Variants in HEATR4 observed in about 807,000 individuals in gnomAD.
HEATR4 encodes the protein HEAT repeat-containing protein 4.
HEATR4 carries 95 observed loss-of-function variants against 108.8 expected under a neutral mutation model. The observed-to-expected ratio is 0.87, with a 90% CI of 0.74 to 1.04. The LOEUF is 1.04. Among genes scored for constraint, HEATR4 ranks in the 50% least tolerant of loss-of-function variants. HEATR4 has a pLI of 0.00. For synonymous variants in HEATR4, 443 were observed against 459.4 expected, an observed-to-expected ratio of 0.96 and a Z score of 0.46; for missense variants, 1,152 against 1,253.8, an observed-to-expected ratio of 0.92 and a Z score of 1.23.
the HEATR4 span, among the ~76,000 whole-genome samples, chr14:73,614,148 C>T: frequency 6.6e-6 from 1 of 151,672 alleles, no homozygotes; most frequent in African/African-American, 2.4e-5. Flanking sequence ...TTGCAGTGAG[C>T]TGAGATCACG....
intron 2 of HEATR4, chr14:73,527,533 A>T (rs1413888144): frequency 3.3e-5 from 4 of 122,966 alleles, no homozygotes; most frequent in Non-Finnish European, 5.2e-5. Context: ...TCTCTAATAA[A>T]CTTGCTTTCA....
intron 1 of HEATR4, among the ~76,000 whole-genome samples, chr14:73,535,488 T>C (rs1460758853): frequency 0.44 from 24,597 of 55,538 alleles, 8,573 homozygotes; most frequent in Admixed American, 0.51. Flanking sequence ...TTTTTTTTTT[T>C]TTTTTTTTTT....
the HEATR4 span, chr14:73,580,888 T>C: frequency 1.3e-5 from 2 of 151,906 alleles, no homozygotes; most frequent in African/African-American, 4.8e-5. Context: ...CAGAGTTCTA[T>C]CTTGAGACTC....
At chr14:73,518,641 G>A (rs1370116672) in intron 5 of HEATR4, among the ~76,000 whole-genome samples, 1 of 152,148 alleles carries the variant, frequency 6.6e-6, no homozygotes, top group East Asian at 1.9e-4. Flanking sequence ...AGTGTGGAGT[G>A]GGAGGGTAGA....
chr14:73,593,719 G>A, the HEATR4 span: 1 of 1,611,954 alleles, frequency 6.2e-7, no homozygotes, highest in Non-Finnish European at 8.5e-7. Context: ...ACCCTTCCCA[G>A]GGATCATTGA....
the HEATR4 span, chr14:73,619,519 G>A: frequency 1.9e-6 from 3 of 1,614,220 alleles, no homozygotes; most frequent in Non-Finnish European, 2.5e-6. Flanking sequence ...AAAGGCGCAG[G>A]TGCCCTTCTT....
rs1889221174 is a variant in HEATR4, at chr14:73,545,805, A to G, written c.-152+12946T>C. 1.8e-5 allele frequency among the ~76,000 whole-genome samples: 2 copies of G among 110,150 alleles called. 1 individual carries two copies. The highest frequency in any genetic ancestry group is 5.9e-5 in the African/African-American group (2 of 33,754). 72.3% of individuals were successfully genotyped at this position (110,150 alleles called of 152,430 possible). A position where few individuals can be genotyped will look rare whatever the true frequency, so the allele number is the denominator to read the frequency against. On this transcript the variant is annotated intron_variant, in intron 1 of 17. Transcript: ENST00000553558. ...GCCCTTTTGAGACCTTAGGGACCCT[A>G]TTCTCCATTCTTAGAAATTCAGGCT...
At chr14:73,504,467 C>T (rs1886684785) in intron 10 of HEATR4, among the ~76,000 whole-genome samples, 1 of 152,116 alleles carries the variant, frequency 6.6e-6, no homozygotes, top group African/African-American at 2.4e-5. Flanking sequence ...TGGTCTCGAT[C>T]TCCTGACCTC....
intron 2 of HEATR4, among the ~76,000 whole-genome samples, chr14:73,524,304 A>ATATATAT (rs1315675578): frequency 1.1e-5 from 1 of 93,768 alleles, no homozygotes; most frequent in Admixed American, 1.1e-4. Flanking sequence ...AAAAAAAAAA[A>ATATATAT]AAAAAAATAT....
At chr14:73,612,899 G>A in the HEATR4 span, 1 of 1,373,046 alleles carries the variant, frequency 7.3e-7, no homozygotes, top group Admixed American at 2.4e-5. Flanking sequence ...GGAAGTGCTG[G>A]ACGGCCACGA....
At chr14:73,513,247 T>A (rs1470252575) in intron 6 of HEATR4, among the ~76,000 whole-genome samples, 1 of 152,104 alleles carries the variant, frequency 6.6e-6, no homozygotes, top group African/African-American at 2.4e-5. Context: ...TCACCTGAAG[T>A]CAGGAGTTCG....
At chr14:73,630,664 A>G in the HEATR4 span, among the ~76,000 whole-genome samples, 7 of 152,326 alleles carry the variant, frequency 4.6e-5, no homozygotes, top group East Asian at 1.3e-3. Context: ...AATAAGGTAG[A>G]TCAGATCATT....
At chr14:73,621,936 T>C in the HEATR4 span, among the ~76,000 whole-genome samples, 151 of 152,004 alleles carry the variant, frequency 9.9e-4, no homozygotes, top group African/African-American at 3.1e-3. Flanking sequence ...GCTAACTTTT[T>C]ATTTTTTGTA....
the HEATR4 span, chr14:73,591,951 G>A: frequency 7.3e-7 from 1 of 1,362,622 alleles, no homozygotes. Context: ...TCCCCGCTCC[G>A]GCTCCAAGAT....
rs1450760388 is a variant in HEATR4 at position 73,498,171 on chromosome 14, G to A, written c.2530C>T (p.His844Tyr). The A allele has an allele frequency of 6.2e-7, 1 of 1,611,998 alleles. No individual in the cohort carries two copies. Among genetic ancestry groups the A allele is most frequent in the East Asian group, 2.2e-5 (1 of 44,830 alleles). The change falls in exon 14 of 18, where the codon CAC becomes TAC. Residue 844 changes from histidine (H) to tyrosine (Y), a missense_variant. Transcript: ENST00000553558. ...AGTGCTTACTTTAGAACAGCATCGT[G>A]GTTCTCCAGGAGCAGCACGTCTAGG... ...TFLDVLLLENHDAVLKEMYQT... is the reference protein window; with the variant it reads ...TFLDVLLLENYDAVLKEMYQT...
At chr14:73,529,596 C>T (rs1483119504) in intron 2 of HEATR4, among the ~76,000 whole-genome samples, 1 of 152,110 alleles carries the variant, frequency 6.6e-6, no homozygotes, top group East Asian at 1.9e-4. Context: ...TTTATGAATA[C>T]AGAACTCAAC....
At chr14:73,569,909 G>A in the HEATR4 span, 1 of 1,591,188 alleles carries the variant, frequency 6.3e-7, no homozygotes, top group African/African-American at 1.3e-5. Context: ...TAATTGTTCC[G>A]TGTTCGTTCG....
the HEATR4 span, among the ~76,000 whole-genome samples, chr14:73,622,321 A>G: frequency 6.6e-6 from 1 of 152,174 alleles, no homozygotes; most frequent in Non-Finnish European, 1.5e-5. Flanking sequence ...CCTTACAGAT[A>G]AAGCAACCTA....
the HEATR4 span, among the ~76,000 whole-genome samples, chr14:73,565,856 G>T: frequency 2.8e-4 from 42 of 152,080 alleles, 1 homozygote; most frequent in Non-Finnish European, 3.7e-4. Context: ...AGTTTCCACA[G>T]TGTGGAAGGG....
Sources: allele counts gnomAD v4.1 joint callset (sites outside exome capture counted in the v4.1 genomes callset), GRCh38; gene constraint gnomAD v4.1.1; transcripts MANE v1.5; gene names NCBI Gene and HGNC (gene_info 2026-07-23, HGNC 2026-07-21).